FOXP1: variants seen among roughly 807,000 people sequenced by gnomAD.
FOXP1 encodes forkhead box P1.
Under a neutral mutation model 98.2 loss-of-function variants are expected in FOXP1, and 15 were observed. The observed-to-expected ratio is 0.15, with a 90% confidence interval of 0.10 to 0.24. The LOEUF (loss-of-function observed/expected upper bound fraction) is 0.24, where lower values mean the gene tolerates loss of function less well. Among genes scored for constraint, FOXP1 ranks in the 10% least tolerant of loss-of-function variants. FOXP1 has a pLI of 1.00. For synonymous variants in FOXP1, 371 were observed against 314.5 expected (o/e 1.18, Z -1.90); for missense variants, 633 against 848.5 (o/e 0.75, Z 3.15).
intron 6 of FOXP1, among the ~76,000 whole-genome samples, chr3:71,147,564 C>G (rs976359695): frequency 6.6e-6 from 1 of 152,208 alleles, no homozygotes; most frequent in African/African-American, 2.4e-5. Context: ...CCACTGTCCT[C>G]TCAGCAATTC....
intron 5 of FOXP1, among the ~76,000 whole-genome samples, chr3:71,228,828 T>G (rs1366347135): frequency 1.3e-5 from 2 of 152,142 alleles, no homozygotes; most frequent in Admixed American, 6.5e-5. Flanking sequence ...TTCTTTATGG[T>G]ACAAAATGGA....
At chr3:71,139,288 C>G (rs1331594547) in intron 6 of FOXP1, among the ~76,000 whole-genome samples, 3 of 152,082 alleles carry the variant, frequency 2.0e-5, no homozygotes, top group African/African-American at 7.3e-5. Flanking sequence ...CATAATGGCA[C>G]TGTAATACAA....
chr3:70,986,259 G>T (rs1170060526), intron 14 of FOXP1, among the ~76,000 whole-genome samples: 2 of 152,136 alleles, frequency 1.3e-5, no homozygotes, highest in Admixed American at 1.3e-4. Flanking sequence ...TACACACATG[G>T]TGCTCTCTGC....
chr3:71,071,856 G>A (rs1252868995), intron 7 of FOXP1, among the ~76,000 whole-genome samples: 2 of 152,104 alleles, frequency 1.3e-5, no homozygotes, highest in East Asian at 1.9e-4. Flanking sequence ...GATTACAGGC[G>A]TGAGCCACTG....
chr3:71,017,817 A>AGTTG lies in FOXP1; in HGVS notation c.870-2165_870-2164insCAAC, dbSNP rs2044734930. The stretch of plus-strand genomic sequence containing the variant: ...TATTATCACAACTGACTGCTACCAG[A>AGTTG]AGATACATTCAGAGAAATAGAATCA... On this transcript the variant is annotated intron_variant, in intron 11 of 20. Transcript: ENST00000649528. Among the ~76,000 whole-genome samples, 3 of 152,342 alleles carry AGTTG rather than the reference A, an allele frequency of 2.0e-5. No homozygotes were observed. The South Asian group carries it at 6.2e-4, about 32-fold the overall frequency.
chr3:71,279,632 G>C (rs1010586241), intron 5 of FOXP1, among the ~76,000 whole-genome samples: 1 of 152,032 alleles, frequency 6.6e-6, no homozygotes, highest in Non-Finnish European at 1.5e-5. Flanking sequence ...ATACAATCTC[G>C]TGTATCCAAC....
chr3:71,549,360 A>C (rs985734297), intron 2 of FOXP1, among the ~76,000 whole-genome samples: 1 of 152,134 alleles, frequency 6.6e-6, no homozygotes, highest in Non-Finnish European at 1.5e-5. Context: ...AGACTCCAAA[A>C]TACATATACT....
chr3:71,483,060 G>A (rs1277557652), intron 3 of FOXP1, among the ~76,000 whole-genome samples: 5 of 151,418 alleles, frequency 3.3e-5, no homozygotes, highest in South Asian at 2.1e-4. Flanking sequence ...GGCTGATCTC[G>A]AACTCCTGAG....
chr3:71,419,923 T>C (rs1234033394), intron 3 of FOXP1, among the ~76,000 whole-genome samples: 1 of 152,070 alleles, frequency 6.6e-6, no homozygotes, highest in East Asian at 1.9e-4. Context: ...CAAGTGATTC[T>C]CGTGCCTCAG....
chr3:71,223,287 C>T (rs1263996811), intron 5 of FOXP1, among the ~76,000 whole-genome samples: 1 of 151,202 alleles, frequency 6.6e-6, no homozygotes, highest in East Asian at 2.0e-4. Context: ...ATACCTTACT[C>T]TTTCATACCT....
At chr3:71,225,668 G>A (rs1346555718) in intron 5 of FOXP1, among the ~76,000 whole-genome samples, 3 of 152,186 alleles carry the variant, frequency 2.0e-5, no homozygotes, top group Non-Finnish European at 2.9e-5. Flanking sequence ...TTCCTTGCCA[G>A]AAATAGCTAG....
intron 2 of FOXP1, among the ~76,000 whole-genome samples, chr3:71,526,907 C>T (rs111242991): frequency 0.32 from 47,773 of 148,048 alleles, 8,770 homozygotes; most frequent in Non-Finnish European, 0.42. Flanking sequence ...GCAGAGGTCG[C>T]GGTGAGCCAA....
chr3:71,070,781 T>C (rs76626133), intron 7 of FOXP1, among the ~76,000 whole-genome samples: 2,768 of 152,286 alleles, frequency 0.018, 80 homozygotes, highest in African/African-American at 0.064. Context: ...GCACAAGGCC[T>C]GTACAAATCC....
chr3:71,459,085 A>G lies in FOXP1; in HGVS notation c.-168+34341T>C, dbSNP rs533278930. On this transcript the variant is annotated intron_variant, in intron 3 of 20. Coordinates refer to ENST00000649528, the MANE Select transcript of FOXP1 (RefSeq NM_001349338.3). ...TTTTCTTCCCCTGGAGAGACAAGAT[A>G]AAGTGCTGTCATAAATGGGTGACTT... Among the ~76,000 whole-genome samples the G allele has an allele frequency of 1.3e-4, 20 of 152,332 alleles. 1 individual carries two copies. In the South Asian group the frequency reaches 4.1e-3, roughly 32 times the overall value.
chr3:71,427,128 C>A (rs556979115), intron 3 of FOXP1, among the ~76,000 whole-genome samples: 1 of 149,738 alleles, frequency 6.7e-6, no homozygotes, highest in East Asian at 2.0e-4. Context: ...GCTTTTATGT[C>A]TCTCTTGGTT....
intron 2 of FOXP1, among the ~76,000 whole-genome samples, chr3:71,546,631 T>C (rs1355134235): frequency 1.3e-5 from 2 of 151,270 alleles, no homozygotes; most frequent in Non-Finnish European, 2.9e-5. Context: ...ACCACCGAGA[T>C]GCTGTTCATC....
chr3:71,469,656 A>G (rs2089132892), intron 3 of FOXP1, among the ~76,000 whole-genome samples: 1 of 152,222 alleles, frequency 6.6e-6, no homozygotes, highest in Admixed American at 6.5e-5. Context: ...TTTGATGATC[A>G]TATTAGAGTG....
At chr3:70,963,666 G>T (rs765643086) in intron 20 of FOXP1, among the ~76,000 whole-genome samples, 3 of 152,176 alleles carry the variant, frequency 2.0e-5, no homozygotes, top group Non-Finnish European at 4.4e-5. Flanking sequence ...GGGAACACAA[G>T]AGTTTTAAAA....
chr3:71,024,805 C>T (rs557626107), intron 11 of FOXP1, among the ~76,000 whole-genome samples: 1 of 152,338 alleles, frequency 6.6e-6, no homozygotes, highest in East Asian at 1.9e-4. Flanking sequence ...GTGAGGACTA[C>T]CTTAACTAAC....
Sources: gnomAD v4.1 joint callset for allele counts (sites outside exome capture counted in the v4.1 genomes callset) on GRCh38, gnomAD v4.1.1 for gene constraint, MANE v1.5 for transcripts, NCBI Gene and HGNC (gene_info 2026-07-23, HGNC 2026-07-21) for gene names.